CECR2: variants seen among roughly 807,000 people sequenced by gnomAD.
CECR2 encodes chromatin remodeling regulator CECR2.
In CECR2, 30 loss-of-function variants were observed where a neutral mutation model predicts 154.5. The ratio of observed to expected loss-of-function variants is 0.19; its 90% CI spans 0.15 to 0.26. The LOEUF (loss-of-function observed/expected upper bound fraction) is 0.26. Ranked by LOEUF, CECR2 falls within the 10% of genes least tolerant of loss-of-function variation. The probability of loss-of-function intolerance (pLI) is 1.00; values close to 1 mark genes in which losing one functional copy is unlikely to be tolerated. For missense variants in CECR2, 1,743 were observed against 1,829.3 expected, an observed-to-expected ratio of 0.95 and a Z score of 0.86; for synonymous variants, 725 against 683.7, an observed-to-expected ratio of 1.06 and a Z score of -0.94.
At chr22:17,452,158 CA>C (rs2054781311) in intron 1 of CECR2, among the ~76,000 whole-genome samples, 1 of 152,198 alleles carries the variant, frequency 6.6e-6, no homozygotes, top group African/African-American at 2.4e-5. Flanking sequence ...CTGCAACCTC[CA>C]CCTCCTGGGT....
Position 17,557,079 on chromosome 22 carries a change from C to T in CECR2, c.*4239C>T, listed in dbSNP as rs1345614886. 6.6e-6 allele frequency: 1 copy of T among 152,058 alleles called. No homozygotes were observed. The highest frequency in any genetic ancestry group is 1.5e-5 in the Non-Finnish European group (1 of 68,016). The allele number at this position is 152,058 out of a possible 1,614,324, so 9.4% of individuals were successfully genotyped here. ...CGTGCAGCCATAGGACACCAAGCCT[C>T]ACGCACTTTCCCCTTGGGACAGTAG... On this transcript the variant is annotated 3_prime_UTR_variant, in exon 19 of 19. Coordinates refer to ENST00000262608, the MANE Select transcript of CECR2 (RefSeq NM_001290047.2).
intron 7 of CECR2, among the ~76,000 whole-genome samples, chr22:17,511,289 C>T (rs1389261534): frequency 6.6e-6 from 1 of 152,170 alleles, no homozygotes; most frequent in East Asian, 1.9e-4. Context: ...GCTTTCCAGC[C>T]TGGTGCATTT....
rs73876453 is a variant in CECR2 at position 17,474,388 on chromosome 22, A to G, written c.127-3200A>G. ...TGGGGAATATGGTAGGTAAGGGAGAAGAGTTGGAATATTTAATAAGTGACG... is the reference window on the plus strand; with the variant it reads ...TGGGGAATATGGTAGGTAAGGGAGAGGAGTTGGAATATTTAATAAGTGACG... On this transcript the variant is annotated intron_variant, in intron 1 of 18. Coordinates refer to ENST00000262608, the MANE Select transcript of CECR2 (RefSeq NM_001290047.2). Among the ~76,000 whole-genome samples the G allele has an allele frequency of 4.1e-3, 623 of 152,328 alleles. 4 individuals are homozygous for G. The highest frequency in any genetic ancestry group is 0.014 in the African/African-American group (572 of 41,572).
Position 17,542,854 on chromosome 22 carries a change from C to A in CECR2, c.2711C>A (p.Pro904His). 6.2e-7 allele frequency: 1 copy of A among 1,613,788 alleles called. No individual in the cohort carries two copies. The highest frequency in any genetic ancestry group is 1.3e-5 in the African/African-American group (1 of 75,028). The change falls in exon 16 of 19, where the codon CCC becomes CAC. Residue 904 changes from proline to histidine, a missense_variant. Pro to His is a moderately conservative substitution (Grantham distance 77). Transcript: ENST00000262608. ...RVCPPGVPYH[P>H]HQPAHPRLPG... is the part of the protein sequence containing the mutation. ...TGCCCCCCAGGTGTGCCTTACCACC[C>A]CCACCAGCCTGCACACCCCCGTTTA...
At chr22:17,484,452 T>C (rs1348278786) in intron 2 of CECR2, among the ~76,000 whole-genome samples, 1 of 152,196 alleles carries the variant, frequency 6.6e-6, no homozygotes, top group African/African-American at 2.4e-5. Context: ...TTATTAGAAC[T>C]TTCTAATCAC....
At chr22:17,384,886 G>A (rs1156701315) in intron 1 of CECR2, among the ~76,000 whole-genome samples, 1 of 152,174 alleles carries the variant, frequency 6.6e-6, no homozygotes, top group Non-Finnish European at 1.5e-5. Context: ...AAAATCTGTT[G>A]TGTATTCATC....
rs762264376 is a variant in CECR2, at chr22:17,425,411, A to G, written c.127-52177A>G. ...TTGTGCTTTGTAATTCTTACTTTCA[A>G]TACATATTTATTGAGGGCCTATAAC... is the stretch of plus-strand genomic sequence containing the variant. On this transcript the variant is annotated intron_variant, in intron 1 of 18. Transcript: ENST00000262608. Among the ~76,000 whole-genome samples the G allele has an allele frequency of 1.4e-4, 21 of 152,236 alleles. 1 individual carries two copies. Among genetic ancestry groups the G allele is most frequent in the Non-Finnish European group, 2.1e-4 (14 of 68,020 alleles).
intron 1 of CECR2, among the ~76,000 whole-genome samples, chr22:17,362,901 CAAAAAAAAA>C (rs372498587): frequency 1.2e-5 from 1 of 82,166 alleles, no homozygotes; most frequent in Non-Finnish European, 2.4e-5. Context: ...AACTCCGTCT[CAAAAAAAAA>C]AAAAAAAAAA....
chr22:17,378,764 T>C (rs1601247323), intron 1 of CECR2, among the ~76,000 whole-genome samples: 1 of 152,186 alleles, frequency 6.6e-6, no homozygotes, highest in Admixed American at 6.5e-5. Context: ...TTTTCAGTGT[T>C]GGTCATTGTA....
intron 1 of CECR2, among the ~76,000 whole-genome samples, chr22:17,461,101 T>C (rs2054930904): frequency 6.6e-6 from 1 of 152,232 alleles, no homozygotes; most frequent in Admixed American, 6.5e-5. Flanking sequence ...TCCCCGGTCG[T>C]GCTGCTCTGC....
At chr22:17,391,967 A>G (rs1281702435) in intron 1 of CECR2, among the ~76,000 whole-genome samples, 9 of 151,982 alleles carry the variant, frequency 5.9e-5, no homozygotes, top group African/African-American at 2.2e-4. Flanking sequence ...ACACCCAGCT[A>G]ATTTTTGTAT....
At chr22:17,412,997 T>C (rs2054090290) in intron 1 of CECR2, among the ~76,000 whole-genome samples, 1 of 152,170 alleles carries the variant, frequency 6.6e-6, no homozygotes, top group South Asian at 2.1e-4. Flanking sequence ...ACATCCTCTT[T>C]AAAACTGGTC....
chr22:17,416,478 G>A (rs1032235776), intron 1 of CECR2, among the ~76,000 whole-genome samples: 7 of 152,054 alleles, frequency 4.6e-5, no homozygotes, highest in African/African-American at 1.7e-4. Context: ...TAGGATTTTG[G>A]TCCCACAATC....
chr22:17,511,707 T>C (rs2055957226), intron 7 of CECR2, 106 bp from the exon 8 acceptor site: 1 of 843,916 alleles, frequency 1.2e-6, no homozygotes, highest in African/African-American at 1.7e-5. Context: ...CTAACCTGTG[T>C]GCCTCATTGG....
At chr22:17,537,713 G>T (rs1302432582) in intron 10 of CECR2, among the ~76,000 whole-genome samples, 1 of 152,110 alleles carries the variant, frequency 6.6e-6, no homozygotes, top group Non-Finnish European at 1.5e-5. Context: ...TTGAAAATGT[G>T]CTATAGGCCG....
At chr22:17,521,537 A>G (rs1217798579) in intron 8 of CECR2, among the ~76,000 whole-genome samples, 8 of 150,822 alleles carry the variant, frequency 5.3e-5, no homozygotes, top group Admixed American at 2.0e-4. Context: ...AAAAAAAAAA[A>G]AGAGAGAGAG....
chr22:17,515,067 A>ATT (rs895747153), intron 8 of CECR2, among the ~76,000 whole-genome samples: 1 of 150,462 alleles, frequency 6.6e-6, no homozygotes. Flanking sequence ...CACAACATAG[A>ATT]TTTTTTTTTT....
chr22:17,421,482 G>A (rs540425365), intron 1 of CECR2, among the ~76,000 whole-genome samples: 3 of 151,460 alleles, frequency 2.0e-5, no homozygotes, highest in Middle Eastern at 6.8e-3. Context: ...GGGTGTAGTG[G>A]CGGGCGCCTG....
At chr22:17,468,732 A>G (rs1351142624) in intron 1 of CECR2, among the ~76,000 whole-genome samples, 1 of 152,180 alleles carries the variant, frequency 6.6e-6, no homozygotes, top group African/African-American at 2.4e-5. Context: ...TCTCAGAATT[A>G]TATTTCATGT....
Sources: allele counts gnomAD v4.1 joint callset (sites outside exome capture counted in the v4.1 genomes callset), GRCh38; gene constraint gnomAD v4.1.1; transcripts MANE v1.5; gene names NCBI Gene and HGNC (gene_info 2026-07-23, HGNC 2026-07-21).